Variants in KIAA1217 observed in about 807,000 individuals in gnomAD.
The protein encoded by KIAA1217 is KIAA1217.
KIAA1217 carries 88 observed loss-of-function variants against 163.9 expected under a neutral mutation model. That is an observed-to-expected ratio of 0.54 (90% CI 0.45 to 0.64). The LOEUF is 0.64. Among genes scored for constraint, KIAA1217 ranks in the 30% least tolerant of loss-of-function variants. The pLI, the probability that KIAA1217 is intolerant of heterozygous loss-of-function variation, is 0.00. For synonymous variants in KIAA1217, 903 were observed against 923.1 expected (o/e 0.98, Z 0.39); for missense variants, 2,372 against 2,475.0 (o/e 0.96, Z 0.88).
Position 24,147,862 on chromosome 10 carries a change from A to G in KIAA1217, c.-170-71764A>G, listed in dbSNP as rs35096325. ...AAAAAAAAAAAAAAAAAAAAAAAAA[A>G]GAAAGAAAGAGAAAAGAAAAGAAAA... On this transcript the variant is annotated intron_variant, in intron 2 of 18. Transcript: ENST00000376462. 2.7e-3 allele frequency among the ~76,000 whole-genome samples: 392 copies of G among 143,618 alleles called. 2 individuals are homozygous for G. Among genetic ancestry groups the G allele is most frequent in the Non-Finnish European group, 4.8e-3 (312 of 65,308 alleles). The allele number at this position is 143,618 out of a possible 152,430, so 94.2% of individuals were successfully genotyped here. A position where few individuals can be genotyped will look rare whatever the true frequency, so the allele number is the denominator to read the frequency against.
At chr10:23,741,693 C>T (rs1363077355) in intron 1 of KIAA1217, among the ~76,000 whole-genome samples, 2 of 152,136 alleles carry the variant, frequency 1.3e-5, no homozygotes, top group African/African-American at 2.4e-5. Flanking sequence ...CAGTGGTATA[C>T]GAGTTGGTGA....
At chr10:24,012,946 A>G (rs768841744) in intron 2 of KIAA1217, among the ~76,000 whole-genome samples, 10 of 152,162 alleles carry the variant, frequency 6.6e-5, no homozygotes, top group Non-Finnish European at 1.0e-4. Flanking sequence ...TCCTCATTAC[A>G]TGTGGATTCT....
chr10:24,378,282 C>T (rs750504983), intron 2 of KIAA1217, among the ~76,000 whole-genome samples: 57 of 152,156 alleles, frequency 3.7e-4, no homozygotes, highest in African/African-American at 1.3e-3. Context: ...TTTCCAGGGG[C>T]GAGAATTTGA....
intron 15 of KIAA1217, among the ~76,000 whole-genome samples, chr10:24,532,213 A>G (rs530672423): frequency 2.0e-5 from 3 of 152,342 alleles, no homozygotes; most frequent in Non-Finnish European, 4.4e-5. Flanking sequence ...AGCTGCAACA[A>G]TATGAAATGC....
intron 5 of KIAA1217, among the ~76,000 whole-genome samples, chr10:24,449,157 G>A (rs541650884): frequency 1.3e-5 from 2 of 152,284 alleles, no homozygotes; most frequent in South Asian, 4.1e-4. Flanking sequence ...GAATACAGTG[G>A]CTGTCCAGAA....
At chr10:24,312,353 C>T (rs908813178) in intron 2 of KIAA1217, among the ~76,000 whole-genome samples, 5 of 151,224 alleles carry the variant, frequency 3.3e-5, no homozygotes, top group South Asian at 2.1e-4. Flanking sequence ...CAGTGGCTCA[C>T]GCCTATAATC....
intron 1 of KIAA1217, among the ~76,000 whole-genome samples, chr10:23,795,495 G>A (rs976037917): frequency 2.0e-5 from 3 of 152,146 alleles, no homozygotes; most frequent in Non-Finnish European, 4.4e-5. Context: ...TTATAAGCAA[G>A]GGCTTTTAAA....
intron 1 of KIAA1217, among the ~76,000 whole-genome samples, chr10:23,894,369 A>G (rs1230848920): frequency 6.6e-6 from 1 of 151,602 alleles, no homozygotes; most frequent in Non-Finnish European, 1.5e-5. Context: ...GAGCCAAATC[A>G]TGAGTGAACT....
intron 2 of KIAA1217, chr10:24,158,025 C>A: frequency 1.3e-6 from 1 of 767,682 alleles, no homozygotes; most frequent in Non-Finnish European, 2.4e-6. Flanking sequence ...GAAATGAGAT[C>A]ACCTTTACTT....
At chr10:23,965,469 G>A (rs1845026863) in intron 1 of KIAA1217, among the ~76,000 whole-genome samples, 2 of 152,226 alleles carry the variant, frequency 1.3e-5, no homozygotes, top group South Asian at 4.1e-4. Context: ...TTTGTTTCCA[G>A]CTAGTTTCCA....
intron 2 of KIAA1217, among the ~76,000 whole-genome samples, chr10:24,065,116 G>C (rs1044259293): frequency 1.3e-5 from 2 of 152,010 alleles, no homozygotes; most frequent in Admixed American, 1.3e-4. Context: ...TGATTTTTTT[G>C]AAGGGTTTTT....
intron 1 of KIAA1217, among the ~76,000 whole-genome samples, chr10:23,955,037 C>T (rs577236527): frequency 6.6e-6 from 1 of 152,254 alleles, no homozygotes; most frequent in Non-Finnish European, 1.5e-5. Context: ...GCAATAATAA[C>T]AAGTTATGTA....
At chr10:23,708,316 A>G (rs1441918254) in intron 1 of KIAA1217, among the ~76,000 whole-genome samples, 1 of 152,220 alleles carries the variant, frequency 6.6e-6, no homozygotes, top group African/African-American at 2.4e-5. Flanking sequence ...GGGTGTGCTC[A>G]TAGCCAAACC....
chr10:24,248,392 C>CG (rs1465979356), intron 2 of KIAA1217, among the ~76,000 whole-genome samples: 2 of 152,024 alleles, frequency 1.3e-5, no homozygotes, highest in Non-Finnish European at 2.9e-5. Flanking sequence ...TCCTTTAGGC[C>CG]GGGCGCAGTG....
chr10:24,429,519 G>A (rs897074272), intron 3 of KIAA1217, among the ~76,000 whole-genome samples: 17 of 151,142 alleles, frequency 1.1e-4, no homozygotes, highest in African/African-American at 3.4e-4. Flanking sequence ...TCTTTTTTTC[G>A]GAGGGGAGGT....
intron 2 of KIAA1217, among the ~76,000 whole-genome samples, chr10:24,086,280 GA>G (rs1451122013): frequency 6.6e-6 from 1 of 152,226 alleles, no homozygotes; most frequent in African/African-American, 2.4e-5. Flanking sequence ...TTGAGCAAAT[GA>G]AACATTCCTT....
intron 2 of KIAA1217, among the ~76,000 whole-genome samples, chr10:24,162,088 A>G (rs1456626370): frequency 6.6e-6 from 1 of 152,196 alleles, no homozygotes; most frequent in Non-Finnish European, 1.5e-5. Flanking sequence ...CCAAACTGCA[A>G]GTATTTTGAA....
At chr10:24,425,513 T>G (rs1270158438) in intron 3 of KIAA1217, among the ~76,000 whole-genome samples, 1 of 152,240 alleles carries the variant, frequency 6.6e-6, no homozygotes, top group African/African-American at 2.4e-5. Context: ...AGTTCCTTTC[T>G]GTTTTATGAT....
At chr10:24,447,103 A>G (rs2060999032) in intron 5 of KIAA1217, among the ~76,000 whole-genome samples, 1 of 151,992 alleles carries the variant, frequency 6.6e-6, no homozygotes, top group Non-Finnish European at 1.5e-5. Flanking sequence ...CGAAACTTCC[A>G]TAGAACTTCA....
Sources: gnomAD v4.1 joint callset for allele counts (sites outside exome capture counted in the v4.1 genomes callset) on GRCh38, gnomAD v4.1.1 for gene constraint, MANE v1.5 for transcripts, NCBI Gene and HGNC (gene_info 2026-07-23, HGNC 2026-07-21) for gene names.